The following CRADD variants were observed in gnomAD, a reference collection of about 807,000 sequenced individuals.
CRADD encodes the protein CARD and death domain containing adaptor protein, also known as death domain-containing protein CRADD.
In CRADD, 9 loss-of-function variants were observed where a neutral mutation model predicts 15.5. That is an observed-to-expected ratio of 0.58 (90% CI 0.35 to 1.01). CRADD has a LOEUF of 1.01. Among genes scored for constraint, CRADD ranks in the 50% least tolerant of loss-of-function variants. The pLI, the probability that CRADD is intolerant of heterozygous loss-of-function variation, is 0.02. For synonymous variants in CRADD, 118 were observed against 107.6 expected, an observed-to-expected ratio of 1.10 and a Z score of -0.60; for missense variants, 227 against 250.3, an observed-to-expected ratio of 0.91 and a Z score of 0.63.
chr12:93,730,035 C>G (rs1403095347), intron 2 of CRADD, among the ~76,000 whole-genome samples: 2 of 152,178 alleles, frequency 1.3e-5, no homozygotes, highest in African/African-American at 4.8e-5. Context: ...GAATTCTTTA[C>G]TACTACTATA....
At chr12:93,787,190 G>A (rs1592989967) in intron 2 of CRADD, among the ~76,000 whole-genome samples, 1 of 129,050 alleles carries the variant, frequency 7.7e-6, no homozygotes, top group East Asian at 2.3e-4. Flanking sequence ...TGGATTTGAT[G>A]TCAGGGACTG....
At chr12:93,760,222 GATTA>G (rs1248788040) in intron 2 of CRADD, among the ~76,000 whole-genome samples, 1 of 152,122 alleles carries the variant, frequency 6.6e-6, no homozygotes, top group Non-Finnish European at 1.5e-5. Flanking sequence ...ATCTCTGTGT[GATTA>G]ATTAATTATA....
intron 2 of CRADD, among the ~76,000 whole-genome samples, chr12:93,797,025 G>A (rs925237913): frequency 1.4e-4 from 21 of 152,258 alleles, no homozygotes; most frequent in South Asian, 2.1e-4. Flanking sequence ...ACAAATATTC[G>A]GAGGTGGGGA....
intron 2 of CRADD, among the ~76,000 whole-genome samples, chr12:93,873,459 T>A (rs1233550981): frequency 6.6e-6 from 1 of 152,150 alleles, no homozygotes; most frequent in Non-Finnish European, 1.5e-5. Flanking sequence ...ATAACAGTGG[T>A]GAAAGTGGGC....
chr12:93,835,070 T>C (rs190471033), intron 2 of CRADD, among the ~76,000 whole-genome samples: 122 of 152,336 alleles, frequency 8.0e-4, no homozygotes, highest in Non-Finnish European at 8.8e-5. Context: ...GGCCCCCCCA[T>C]TGGTATGCAC....
At chr12:93,769,582 G>A (rs1056196495) in intron 2 of CRADD, among the ~76,000 whole-genome samples, 4 of 152,242 alleles carry the variant, frequency 2.6e-5, no homozygotes, top group Non-Finnish European at 4.4e-5. Context: ...TACTGTGAAA[G>A]TGGTTGCACA....
chr12:93,730,580 A>T (rs1319460563), intron 2 of CRADD, among the ~76,000 whole-genome samples: 1 of 152,218 alleles, frequency 6.6e-6, no homozygotes, highest in Admixed American at 6.5e-5. Flanking sequence ...ATATGTAAAC[A>T]GTGTTCATTT....
chr12:93,804,617 A>G (rs922918736), intron 2 of CRADD, among the ~76,000 whole-genome samples: 4 of 152,116 alleles, frequency 2.6e-5, no homozygotes, highest in Non-Finnish European at 5.9e-5. Flanking sequence ...GGCTAGTGAC[A>G]CCATTAAGAT....
chr12:93,679,082 A>G lies in CRADD; in HGVS notation c.298+10A>G, dbSNP rs1448416991. The G allele has an allele frequency of 1.2e-6, 2 of 1,604,638 alleles. No homozygotes were observed. The highest frequency in any genetic ancestry group is 1.7e-6 in the Non-Finnish European group (2 of 1,173,894). ...ACCGACCTGCCTGCAGGTAGGCCTC[A>G]GAAAGATCACTTTGAACCAGCTCCA... On this transcript the variant is annotated intron_variant, in intron 2 of 2. Coordinates refer to ENST00000332896, the MANE Select transcript of CRADD (RefSeq NM_003805.5).
intron 2 of CRADD, among the ~76,000 whole-genome samples, chr12:93,767,996 A>T (rs1228867861): frequency 6.6e-6 from 1 of 152,222 alleles, no homozygotes; most frequent in Non-Finnish European, 1.5e-5. Context: ...AACACTCTTA[A>T]GGCTTAATGC....
intron 2 of CRADD, among the ~76,000 whole-genome samples, chr12:93,788,190 C>T (rs1272512346): frequency 1.3e-5 from 2 of 152,180 alleles, no homozygotes; most frequent in Non-Finnish European, 2.9e-5. Flanking sequence ...CACAGTTTCT[C>T]AGGCTGGGGA....
chr12:93,738,564 C>G, intron 2 of CRADD: 1 of 681,162 alleles, frequency 1.5e-6, no homozygotes, highest in Non-Finnish European at 2.7e-6. Flanking sequence ...ACACCTGCCT[C>G]ACCCCGCTCC....
rs1303187749 is a variant in CRADD, at chr12:93,697,301, G to A, written c.298+18229G>A. On this transcript the variant is annotated intron_variant, in intron 2 of 2. Coordinates refer to ENST00000332896, the MANE Select transcript of CRADD (RefSeq NM_003805.5). ...CTGACTAAAGGGCTGGAGGGAACTC[G>A]CTTAGGCTCTTGTTGCCCTTTGGCA... 3.3e-5 allele frequency among the ~76,000 whole-genome samples: 5 copies of A among 152,294 alleles called. No individual in the cohort carries two copies. In the South Asian group the frequency reaches 6.2e-4, roughly 19 times the overall value.
intron 2 of CRADD, among the ~76,000 whole-genome samples, chr12:93,755,634 T>C (rs983339270): frequency 1.3e-5 from 2 of 152,294 alleles, no homozygotes; most frequent in Middle Eastern, 3.4e-3. Context: ...TTAGGTGTAA[T>C]TCATTGGAAT....
chr12:93,725,602 A>C (rs1367910994), intron 2 of CRADD, among the ~76,000 whole-genome samples: 1 of 152,202 alleles, frequency 6.6e-6, no homozygotes, highest in Admixed American at 6.5e-5. Context: ...AAAGCTGGGA[A>C]TATATAAGAG....
At chr12:93,884,483 A>C (rs1593061147) in intron 2 of CRADD, among the ~76,000 whole-genome samples, 1 of 152,090 alleles carries the variant, frequency 6.6e-6, no homozygotes, top group Admixed American at 6.5e-5. Context: ...CTATTTCCCG[A>C]CTGATTCTTT....
chr12:93,720,772 TCCAA>T (rs1956246761), intron 2 of CRADD, among the ~76,000 whole-genome samples: 1 of 152,250 alleles, frequency 6.6e-6, no homozygotes, highest in South Asian at 2.1e-4. Context: ...TATAGCTTTC[TCCAA>T]CCATTTAAAT....
At chr12:93,782,594 G>GA (rs77333769) in intron 2 of CRADD, among the ~76,000 whole-genome samples, 1,908 of 114,956 alleles carry the variant, frequency 0.017, 38 homozygotes, top group African/African-American at 0.05. Context: ...TCCGTCTCAG[G>GA]AAAAAAAAAA....
chr12:93,819,804 CTG>C (rs1957748997), intron 2 of CRADD, among the ~76,000 whole-genome samples: 1 of 152,190 alleles, frequency 6.6e-6, no homozygotes, highest in African/African-American at 2.4e-5. Flanking sequence ...TATAGACTAA[CTG>C]TTTCTTTTCA....
Sources: gnomAD v4.1 joint callset for allele counts (sites outside exome capture counted in the v4.1 genomes callset) on GRCh38, gnomAD v4.1.1 for gene constraint, MANE v1.5 for transcripts, NCBI Gene and HGNC (gene_info 2026-07-23, HGNC 2026-07-21) for gene names.